TBCK: variants seen among roughly 807,000 people sequenced by gnomAD.
The protein encoded by TBCK is TBC domain-containing protein kinase-like protein.
In TBCK, 99 loss-of-function variants were observed where a neutral mutation model predicts 113.4. The ratio of observed to expected loss-of-function variants is 0.87; its 90% confidence interval spans 0.74 to 1.03. The LOEUF (loss-of-function observed/expected upper bound fraction) is 1.03, where lower values mean the gene tolerates loss of function less well. Among genes scored for constraint, TBCK ranks in the 50% least tolerant of loss-of-function variants. TBCK has a pLI of 0.00. For synonymous variants in TBCK, 369 were observed against 370.8 expected, an observed-to-expected ratio of 1.00 and a Z score of 0.05; for missense variants, 1,045 against 1,061.3, an observed-to-expected ratio of 0.98 and a Z score of 0.21.
intron 25 of TBCK, among the ~76,000 whole-genome samples, chr4:106,081,335 A>G (rs1449662365): frequency 6.6e-6 from 1 of 152,218 alleles, no homozygotes; most frequent in Non-Finnish European, 1.5e-5. Context: ...AATACTATGC[A>G]GCCATAAAAA....
At chr4:106,298,026 C>T (rs557978464) in intron 2 of TBCK, among the ~76,000 whole-genome samples, 41 of 152,148 alleles carry the variant, frequency 2.7e-4, no homozygotes, top group Non-Finnish European at 5.6e-4. Context: ...AATGTGACTT[C>T]CTCAAGGGAC....
chr4:106,260,131 T>A (rs561988123), intron 5 of TBCK, among the ~76,000 whole-genome samples: 4 of 152,074 alleles, frequency 2.6e-5, no homozygotes, highest in Admixed American at 1.3e-4. Flanking sequence ...AATCTAGTCA[T>A]CCTTCTTGCC....
intron 19 of TBCK, among the ~76,000 whole-genome samples, chr4:106,213,171 A>G (rs1448795182): frequency 1.3e-5 from 2 of 152,210 alleles, no homozygotes; most frequent in Non-Finnish European, 2.9e-5. Flanking sequence ...TTGAATGTTC[A>G]GAAAGTGTAG....
intron 25 of TBCK, among the ~76,000 whole-genome samples, chr4:106,092,306 C>A (rs1740360542): frequency 6.6e-6 from 1 of 152,244 alleles, no homozygotes; most frequent in Admixed American, 6.5e-5. Context: ...CTCCAAGTCC[C>A]CACTAGACTC....
chr4:106,282,505 T>C (rs1008080132), intron 3 of TBCK, among the ~76,000 whole-genome samples: 3 of 151,966 alleles, frequency 2.0e-5, no homozygotes, highest in Non-Finnish European at 4.4e-5. Flanking sequence ...TATTCTTTGA[T>C]TTTTTTTAAC....
intron 23 of TBCK, among the ~76,000 whole-genome samples, chr4:106,155,616 G>A (rs990386708): frequency 1.2e-4 from 18 of 151,812 alleles, no homozygotes; most frequent in East Asian, 3.9e-4. Context: ...ATTTTCAAAC[G>A]GCCTGTCTTC....
chr4:106,260,460 AC>A lies in TBCK; in HGVS notation c.431del (p.Gly144ValfsTer8). 1 of 1,398,646 alleles carries A rather than the reference AC, an allele frequency of 7.1e-7. No homozygotes were observed. Among genetic ancestry groups the A allele is most frequent in the Non-Finnish European group, 9.5e-7 (1 of 1,056,358 alleles). 86.6% of individuals were successfully genotyped at this position (1,398,646 alleles called of 1,614,324 possible). A position where few individuals can be genotyped will look rare whatever the true frequency, so the allele number is the denominator to read the frequency against. On this transcript the variant is annotated frameshift_variant, in exon 5 of 26. Coordinates refer to ENST00000394708, the MANE Select transcript of TBCK (RefSeq NM_001163435.3). LOFTEE classifies it high-confidence loss of function. ...ACCCTATTGGGAAATCAACATCATC[AC>A]CATGAGCTGTCATGTGATAAAGTCC... is the stretch of plus-strand genomic sequence containing the variant. ...KFGLYHMTAH[G>X]DDVDFPIGYP...
At chr4:106,214,064 AC>A (rs956965040) in intron 19 of TBCK, among the ~76,000 whole-genome samples, 21 of 151,910 alleles carry the variant, frequency 1.4e-4, no homozygotes, top group African/African-American at 4.4e-4. Context: ...CTGACCCCTG[AC>A]CCCCGAGCAG....
rs1245156104 is a variant in TBCK, at chr4:106,236,763, C to G, written c.1216G>C (p.Asp406His). ...AATGAGACTACATATACTCACTCAT[C>G]TTCAAGTAATGGGTAAAATGCTTCT... Reference protein sequence around the residue: ...GGEAFYPLLEDDQSNLPHSNS... With the variant: ...GGEAFYPLLEHDQSNLPHSNS... The change falls in exon 13 of 26, where the codon GAT (aspartate) becomes CAT (histidine). Residue 406 changes from aspartate (D) to histidine (H), a missense_variant. Transcript: ENST00000394708. 17 of 1,502,828 alleles carry G rather than the reference C, an allele frequency of 1.1e-5. No individual in the cohort carries two copies. Among genetic ancestry groups the G allele is most frequent in the Non-Finnish European group, 1.4e-5 (16 of 1,122,406 alleles). The allele number at this position is 1,502,828 out of a possible 1,614,324, so 93.1% of individuals were successfully genotyped here.
chr4:106,055,451 A>C (rs1340014369), intron 25 of TBCK, among the ~76,000 whole-genome samples: 20 of 151,628 alleles, frequency 1.3e-4, no homozygotes, highest in Admixed American at 1.3e-3. Flanking sequence ...TTTAAATAGA[A>C]ATGTCAAGAC....
At chr4:106,216,004 A>C (rs1243676917) in intron 19 of TBCK, among the ~76,000 whole-genome samples, 1 of 149,112 alleles carries the variant, frequency 6.7e-6, no homozygotes, top group Non-Finnish European at 1.5e-5. Flanking sequence ...AACAGAAATT[A>C]TAACAAACTA....
In TBCK at chr4:106,046,554, T is replaced by G. The variant is rs1251782624; in HGVS notation, c.*16A>C. 4 of 1,467,536 alleles carry G rather than the reference T, an allele frequency of 2.7e-6. No individual in the cohort carries two copies. The highest frequency in any genetic ancestry group is 2.9e-6 in the Non-Finnish European group (3 of 1,048,330). The allele number at this position is 1,467,536 out of a possible 1,614,324, so 90.9% of individuals were successfully genotyped here. ...CTGATGCCACACTAAGTTTTGGCAG[T>G]CACACTCTTGGTTCTTCATATTTGA... On this transcript the variant is annotated 3_prime_UTR_variant, in exon 26 of 26. Transcript: ENST00000394708.
intron 20 of TBCK, among the ~76,000 whole-genome samples, chr4:106,202,664 C>G (rs77545165): frequency 0.14 from 21,487 of 152,022 alleles, 1,715 homozygotes; most frequent in South Asian, 0.25. Context: ...TAACTCAAGT[C>G]AAATGGTAAA....
Position 106,138,419 on chromosome 4 carries a change from T to G in TBCK, c.2236-22041A>C, listed in dbSNP as rs1323529248. On this transcript the variant is annotated intron_variant, in intron 23 of 25. Coordinates refer to ENST00000394708, the MANE Select transcript of TBCK (RefSeq NM_001163435.3). Reference sequence around the variant, plus strand: ...AAACCAATACATAATACTTAATGACTCCACTGGAGTTTCTATTTAAGGAGA... The same window carrying G: ...AAACCAATACATAATACTTAATGACGCCACTGGAGTTTCTATTTAAGGAGA... Among the ~76,000 whole-genome samples the G allele has an allele frequency of 1.4e-5, 2 of 141,812 alleles. 1 individual carries two copies. Among genetic ancestry groups the G allele is most frequent in the African/African-American group, 5.0e-5 (2 of 40,116 alleles). The allele number at this position is 141,812 out of a possible 152,430, so 93.0% of individuals were successfully genotyped here. A position where few individuals can be genotyped will look rare whatever the true frequency, so the allele number is the denominator to read the frequency against.
chr4:106,102,340 C>T (rs1341865333), intron 24 of TBCK, among the ~76,000 whole-genome samples: 1 of 152,144 alleles, frequency 6.6e-6, no homozygotes, highest in Non-Finnish European at 1.5e-5. Context: ...ATCACAAAAA[C>T]TGAACATAGA....
Position 106,279,773 on chromosome 4 carries a change from TTATGGCTGAATAGTACTCCATTGTGTA to T in TBCK, c.266+15294_266+15320del, listed in dbSNP as rs563784373. Among the ~76,000 whole-genome samples the T allele has an allele frequency of 2.4e-4, 37 of 152,320 alleles. No homozygotes were observed. In the South Asian group the frequency reaches 7.5e-3, roughly 31 times the overall value. The stretch of plus-strand genomic sequence containing the variant: ...GCAAATGACAGGCTCTAATTCTTTC[TTATGGCTGAATAGTACTCCATTGTGTA>T]TATGTACCATATTTTCTTTACCCAT... On this transcript the variant is annotated intron_variant, in intron 3 of 25. Transcript: ENST00000394708.
Position 106,223,438 on chromosome 4 carries a change from T to C in TBCK, c.1774+6925A>G, listed in dbSNP as rs370915995. Among the ~76,000 whole-genome samples, 89 of 152,272 alleles carry C rather than the reference T, an allele frequency of 5.8e-4. 1 individual carries two copies. The highest frequency in any genetic ancestry group is 1.2e-3 in the South Asian group (6 of 4,822). ...CCTAGTTTGCCTGAGAGAGTCCCAG[T>C]TGGCATCTGTAGACCCAGCATCTGG... On this transcript the variant is annotated intron_variant, in intron 19 of 25. Coordinates refer to ENST00000394708, the MANE Select transcript of TBCK (RefSeq NM_001163435.3).
chr4:106,072,546 A>T (rs1347672368), intron 25 of TBCK, among the ~76,000 whole-genome samples: 1 of 152,000 alleles, frequency 6.6e-6, no homozygotes, highest in East Asian at 1.9e-4. Context: ...CTTCATTTTA[A>T]CCTTGGTTAA....
intron 24 of TBCK, among the ~76,000 whole-genome samples, chr4:106,101,522 A>T (rs1369123513): frequency 6.6e-6 from 1 of 152,232 alleles, no homozygotes; most frequent in Non-Finnish European, 1.5e-5. Context: ...AAGGACAAAG[A>T]GACAAGAGTA....
Sources: gnomAD v4.1 joint callset for allele counts (sites outside exome capture counted in the v4.1 genomes callset) on GRCh38, gnomAD v4.1.1 for gene constraint, MANE v1.5 for transcripts, NCBI Gene and HGNC (gene_info 2026-07-23, HGNC 2026-07-21) for gene names.